Variants in CMSS1 observed in about 807,000 individuals in gnomAD.
The protein encoded by CMSS1 is cms1 ribosomal small subunit homolog, also known as protein CMSS1.
CMSS1 carries 33 observed loss-of-function variants against 43.5 expected under a neutral mutation model. That is an observed-to-expected ratio of 0.76 (90% confidence interval 0.57 to 1.01). The LOEUF (loss-of-function observed/expected upper bound fraction) is 1.01. Among genes scored for constraint, CMSS1 ranks in the 50% least tolerant of loss-of-function variants. The pLI is 0.00. For missense variants in CMSS1, 313 were observed against 326.4 expected (o/e 0.96, Z 0.32); for synonymous variants, 115 against 117.2 (o/e 0.98, Z 0.12).
At chr3:99,972,817 A>G (rs1347765827) in intron 1 of CMSS1, among the ~76,000 whole-genome samples, 1 of 152,330 alleles carries the variant, frequency 6.6e-6, no homozygotes, top group South Asian at 2.1e-4. Context: ...AGAAAATTCC[A>G]TCACTTGGCA....
chr3:99,926,715 CTTG>C (rs1707303947), intron 1 of CMSS1, among the ~76,000 whole-genome samples: 2 of 152,122 alleles, frequency 1.3e-5, no homozygotes, highest in Admixed American at 6.5e-5. Context: ...CCTTGGAGAG[CTTG>C]TTGTAATTGT....
intron 8 of CMSS1, among the ~76,000 whole-genome samples, chr3:100,175,561 C>G (rs1254069777): frequency 2.6e-5 from 4 of 152,062 alleles, no homozygotes; most frequent in Admixed American, 6.6e-5. Context: ...TTATAAAAAG[C>G]ATGAACAAGT....
At chr3:99,990,908 A>C (rs1709491398) in intron 1 of CMSS1, among the ~76,000 whole-genome samples, 1 of 152,182 alleles carries the variant, frequency 6.6e-6, no homozygotes, top group Admixed American at 6.5e-5. Flanking sequence ...CAAATGAAAA[A>C]AGCATAAAGT....
At chr3:99,856,792 T>C (rs1371664952) in intron 1 of CMSS1, among the ~76,000 whole-genome samples, 1 of 152,230 alleles carries the variant, frequency 6.6e-6, no homozygotes, top group Non-Finnish European at 1.5e-5. Flanking sequence ...ATAATATATG[T>C]CAGCACAGAT....
chr3:99,875,970 T>G, intron 1 of CMSS1: 1 of 784,306 alleles, frequency 1.3e-6, no homozygotes, highest in Non-Finnish European at 1.5e-6. Context: ...CTGTCTGCAG[T>G]TTGTGATGCT....
chr3:100,012,959 A>G (rs1295384675), intron 1 of CMSS1, among the ~76,000 whole-genome samples: 1 of 151,712 alleles, frequency 6.6e-6, no homozygotes, highest in Non-Finnish European at 1.5e-5. Flanking sequence ...TTATGTATGT[A>G]TGTATTTATT....
intron 1 of CMSS1, among the ~76,000 whole-genome samples, chr3:100,127,048 G>C (rs2066669458): frequency 6.6e-6 from 1 of 151,956 alleles, no homozygotes; most frequent in Non-Finnish European, 1.5e-5. Context: ...AAAGAAAGCA[G>C]ACAGGCAGGC....
chr3:100,123,046 A>C (rs1031171625), intron 1 of CMSS1, among the ~76,000 whole-genome samples: 4 of 152,234 alleles, frequency 2.6e-5, no homozygotes, highest in African/African-American at 9.6e-5. Context: ...GGTCCCTCCT[A>C]TCTTGGAATG....
At chr3:99,843,216 A>G (rs1052753140) in intron 1 of CMSS1, among the ~76,000 whole-genome samples, 13 of 152,160 alleles carry the variant, frequency 8.5e-5, no homozygotes, top group Admixed American at 5.9e-4. Context: ...AAGAAATGCT[A>G]CAGATTTAAG....
chr3:100,072,152 G>A (rs371566055), intron 1 of CMSS1, among the ~76,000 whole-genome samples: 1 of 152,120 alleles, frequency 6.6e-6, no homozygotes, highest in East Asian at 1.9e-4. Flanking sequence ...CAAACACTAG[G>A]CAATATGCTG....
At chr3:99,863,710 AATGT>A (rs1401674763) in intron 1 of CMSS1, among the ~76,000 whole-genome samples, 13 of 152,344 alleles carry the variant, frequency 8.5e-5, no homozygotes, top group Admixed American at 5.9e-4. Context: ...CATATTTCAA[AATGT>A]GTGTATTAAA....
intron 1 of CMSS1, among the ~76,000 whole-genome samples, chr3:99,885,353 G>T (rs965690178): frequency 6.6e-6 from 1 of 152,180 alleles, no homozygotes; most frequent in African/African-American, 2.4e-5. Context: ...AAATGCTGAT[G>T]CATTCTAAGA....
chr3:100,009,467 G>A (rs1001796376), intron 1 of CMSS1, among the ~76,000 whole-genome samples: 3 of 152,186 alleles, frequency 2.0e-5, no homozygotes, highest in African/African-American at 4.8e-5. Flanking sequence ...TGGGGTGACT[G>A]TGGGTCAGAG....
At chr3:99,823,256 G>A (rs973847937) in intron 1 of CMSS1, among the ~76,000 whole-genome samples, 4 of 152,202 alleles carry the variant, frequency 2.6e-5, no homozygotes, top group Non-Finnish European at 5.9e-5. Context: ...ATTTCTGCCA[G>A]TAACTCAAAC....
chr3:99,847,552 A>G (rs954250626), intron 1 of CMSS1, among the ~76,000 whole-genome samples: 9 of 152,078 alleles, frequency 5.9e-5, no homozygotes, highest in Non-Finnish European at 1.3e-4. Context: ...TAATTTTATC[A>G]TCTGCTTCTA....
At chr3:100,041,873 C>G (rs1295922937) in intron 1 of CMSS1, among the ~76,000 whole-genome samples, 2 of 152,090 alleles carry the variant, frequency 1.3e-5, no homozygotes, top group East Asian at 3.9e-4. Context: ...ATGCTGACCC[C>G]AACTACAATT....
At chr3:99,842,636 AATAAG>A (rs1269069980) in intron 1 of CMSS1, among the ~76,000 whole-genome samples, 11 of 152,338 alleles carry the variant, frequency 7.2e-5, no homozygotes, top group African/African-American at 1.9e-4. Context: ...TGCCTCAAAT[AATAAG>A]ATAAGTTTTA....
intron 8 of CMSS1, among the ~76,000 whole-genome samples, chr3:100,175,083 A>G (rs554888337): frequency 2.0e-5 from 3 of 152,296 alleles, no homozygotes; most frequent in East Asian, 1.9e-4. Flanking sequence ...TTTCATTTGT[A>G]TAGCTACACT....
chr3:100,139,530 TGTG>T (rs1217411505), intron 1 of CMSS1, among the ~76,000 whole-genome samples: 9 of 18,374 alleles, frequency 4.9e-4, no homozygotes, highest in South Asian at 2.9e-3. Context: ...AAAAAAAAAA[TGTG>T]TGTGTGTGTG....
Sources: allele counts gnomAD v4.1 joint callset (sites outside exome capture counted in the v4.1 genomes callset), GRCh38; gene constraint gnomAD v4.1.1; transcripts MANE v1.5; gene names NCBI Gene and HGNC (gene_info 2026-07-23, HGNC 2026-07-21).